The following ABLIM1 variants were observed in gnomAD, a reference collection of about 807,000 sequenced individuals.
ABLIM1 encodes the protein actin-binding LIM protein 1.
ABLIM1 carries 40 observed loss-of-function variants against 107.0 expected under a neutral mutation model. The observed-to-expected ratio is 0.37, with a 90% confidence interval of 0.29 to 0.49. The LOEUF (loss-of-function observed/expected upper bound fraction) is 0.49. Among genes scored for constraint, ABLIM1 ranks in the 20% least tolerant of loss-of-function variants. ABLIM1 has a pLI of 0.97. For synonymous variants in ABLIM1, 357 were observed against 357.3 expected, an observed-to-expected ratio of 1.00 and a Z score of 0.01; for missense variants, 857 against 1,008.5, an observed-to-expected ratio of 0.85 and a Z score of 2.04.
chr10:114,495,579 AATG>A (rs752008557), intron 6 of ABLIM1, among the ~76,000 whole-genome samples: 154 of 152,084 alleles, frequency 1.0e-3, no homozygotes, highest in Non-Finnish European at 1.8e-3. Context: ...TGATGATGGT[AATG>A]ATGATATTGT....
intron 1 of ABLIM1, among the ~76,000 whole-genome samples, chr10:114,627,690 G>A (rs2077904080): frequency 6.6e-6 from 1 of 152,198 alleles, no homozygotes; most frequent in Non-Finnish European, 1.5e-5. Context: ...AAATGAGCTG[G>A]GAAATAAGGC....
chr10:114,521,853 A>G (rs926746930), intron 6 of ABLIM1, among the ~76,000 whole-genome samples: 4 of 152,204 alleles, frequency 2.6e-5, no homozygotes, highest in Admixed American at 6.5e-5. Context: ...ACAAGCAGAT[A>G]AGAATTCCAG....
intron 8 of ABLIM1, among the ~76,000 whole-genome samples, chr10:114,480,988 T>C (rs1219788795): frequency 1.3e-5 from 2 of 152,196 alleles, no homozygotes; most frequent in African/African-American, 4.8e-5. Flanking sequence ...ATGAAATCTC[T>C]TTGAAAAGCC....
At chr10:114,728,592 C>CAAAAAAAA (rs11405856) in intron 1 of ABLIM1, among the ~76,000 whole-genome samples, 1 of 125,426 alleles carries the variant, frequency 8.0e-6, no homozygotes, top group East Asian at 2.4e-4. Flanking sequence ...AATGGAGAGC[C>CAAAAAAAA]AAAAAAAAAA....
intron 8 of ABLIM1, among the ~76,000 whole-genome samples, chr10:114,480,629 T>C (rs1194784120): frequency 6.6e-6 from 1 of 152,190 alleles, no homozygotes; most frequent in Non-Finnish European, 1.5e-5. Context: ...TTATATATGG[T>C]AGTGATCGCT....
chr10:114,467,334 T>G (rs1424247352), intron 11 of ABLIM1, among the ~76,000 whole-genome samples: 1 of 152,182 alleles, frequency 6.6e-6, no homozygotes, highest in Non-Finnish European at 1.5e-5. Flanking sequence ...ATATTTTACA[T>G]TTTAGGAATC....
the ABLIM1 span, among the ~76,000 whole-genome samples, chr10:114,794,599 G>C: frequency 1.3e-5 from 2 of 152,072 alleles, no homozygotes; most frequent in African/African-American, 2.4e-5. Context: ...GTGTTTTTTG[G>C]GGTTTCTTGA....
intron 4 of ABLIM1, among the ~76,000 whole-genome samples, chr10:114,564,887 C>A (rs1044730747): frequency 6.6e-6 from 1 of 152,182 alleles, no homozygotes; most frequent in African/African-American, 2.4e-5. Flanking sequence ...TTCACAACTT[C>A]CTTAAAGAAT....
intron 1 of ABLIM1, among the ~76,000 whole-genome samples, chr10:114,734,976 A>T (rs1304574056): frequency 6.6e-6 from 1 of 152,222 alleles, no homozygotes; most frequent in Non-Finnish European, 1.5e-5. Context: ...TGGTTCCAGC[A>T]TGGACTTAAA....
chr10:114,689,350 T>G (rs1185539613), upstream of ABLIM1, among the ~76,000 whole-genome samples: 1 of 150,024 alleles, frequency 6.7e-6, no homozygotes, highest in Non-Finnish European at 1.5e-5. Context: ...ACCATTTTTG[T>G]TTTTTGTATA....
At chr10:114,713,932 A>T (rs1158508260) in intron 1 of ABLIM1, among the ~76,000 whole-genome samples, 4 of 152,188 alleles carry the variant, frequency 2.6e-5, no homozygotes, top group Non-Finnish European at 4.4e-5. Context: ...AGCTGACTCC[A>T]ACCCTGTCTG....
At chr10:114,466,046 CA>C (rs1453753302) in intron 11 of ABLIM1, among the ~76,000 whole-genome samples, 2 of 152,148 alleles carry the variant, frequency 1.3e-5, no homozygotes, top group Non-Finnish European at 2.9e-5. Flanking sequence ...GGGCTTATTA[CA>C]AAATTTTAAG....
chr10:114,496,787 G>A (rs1191603989), intron 6 of ABLIM1, among the ~76,000 whole-genome samples: 1 of 152,214 alleles, frequency 6.6e-6, no homozygotes, highest in Non-Finnish European at 1.5e-5. Context: ...GACATTCGGT[G>A]AGCCAGAGTC....
At chr10:114,718,101 AAAAGAAAAAGAAAG>A (rs1269134364) in intron 1 of ABLIM1, among the ~76,000 whole-genome samples, 4 of 40,454 alleles carry the variant, frequency 9.9e-5, no homozygotes, top group East Asian at 8.3e-4. Context: ...AAGGAAAAGA[AAAAGAAAAAGAAAG>A]AAAGAAAAAG....
At chr10:114,652,680 T>A (rs550034039) in intron 1 of ABLIM1, among the ~76,000 whole-genome samples, 2 of 152,372 alleles carry the variant, frequency 1.3e-5, no homozygotes, top group South Asian at 2.1e-4. Context: ...AATCACTGAA[T>A]CCTCTCCAGA....
intron 1 of ABLIM1, among the ~76,000 whole-genome samples, chr10:114,711,274 C>T (rs1294916622): frequency 6.6e-6 from 1 of 152,212 alleles, no homozygotes; most frequent in Non-Finnish European, 1.5e-5. Flanking sequence ...TGTCTGCAGT[C>T]ATCCCACTTC....
intron 6 of ABLIM1, among the ~76,000 whole-genome samples, chr10:114,519,326 G>A (rs1488362003): frequency 2.0e-5 from 3 of 152,176 alleles, no homozygotes; most frequent in Non-Finnish European, 4.4e-5. Context: ...TCCTAAGCAG[G>A]TATCACCTTG....
At chr10:114,732,071 T>G (rs2082084599) in intron 1 of ABLIM1, among the ~76,000 whole-genome samples, 1 of 149,958 alleles carries the variant, frequency 6.7e-6, no homozygotes, top group African/African-American at 2.4e-5. Flanking sequence ...AATTTCTCTA[T>G]ATTCTCATCA....
At chr10:114,695,146 G>A (rs889603143) in intron 1 of ABLIM1, among the ~76,000 whole-genome samples, 11 of 152,142 alleles carry the variant, frequency 7.2e-5, no homozygotes, top group African/African-American at 2.7e-4. Context: ...ATCTTACACT[G>A]CTTTCCATTA....
Sources: allele counts gnomAD v4.1 joint callset (sites outside exome capture counted in the v4.1 genomes callset), GRCh38; gene constraint gnomAD v4.1.1; transcripts MANE v1.5; gene names NCBI Gene and HGNC (gene_info 2026-07-23, HGNC 2026-07-21).